KAT6A: variants seen among roughly 807,000 people sequenced by gnomAD.
The protein encoded by KAT6A is lysine acetyltransferase 6A, also known as histone acetyltransferase KAT6A.
A neutral mutation model predicts 198.4 loss-of-function variants in KAT6A; 9 were observed. That is an observed-to-expected ratio of 0.05 (90% confidence interval 0.03 to 0.08). The LOEUF (loss-of-function observed/expected upper bound fraction) is 0.08. Among genes scored for constraint, KAT6A ranks in the 10% least tolerant of loss-of-function variants. The pLI, the probability that KAT6A is intolerant of heterozygous loss-of-function variation, is 1.00. For synonymous variants in KAT6A, 890 were observed against 883.0 expected (o/e 1.01, Z -0.14); for missense variants, 2,077 against 2,509.9 (o/e 0.83, Z 3.69).
At position 41,940,823 on chromosome 8, in the gene KAT6A, C is replaced by G; in HGVS notation, c.3039+19G>C. On this transcript the variant is annotated intron_variant, in intron 15 of 16. Transcript: ENST00000265713. ...AACTGGAATTGGAGGAAGAGAAGAC[C>G]TGGAAAGAAATGCGTTACCTTTCGC... 1 of 1,591,192 alleles carries G rather than the reference C, an allele frequency of 6.3e-7. No homozygotes were observed. Among genetic ancestry groups the G allele is most frequent in the Non-Finnish European group, 8.5e-7 (1 of 1,170,994 alleles).
At chr8:42,028,625 T>C (rs574791246) in intron 2 of KAT6A, among the ~76,000 whole-genome samples, 2 of 152,360 alleles carry the variant, frequency 1.3e-5, no homozygotes, top group Admixed American at 6.5e-5. Flanking sequence ...TATGTCTTCA[T>C]AGGTGAAGTA....
intron 2 of KAT6A, among the ~76,000 whole-genome samples, chr8:42,031,060 G>A (rs1207148067): frequency 2.1e-5 from 3 of 140,490 alleles, no homozygotes; most frequent in Admixed American, 7.1e-5. Context: ...CAGGAGAAAT[G>A]TATACATAAA....
chr8:42,009,915 C>CAA (rs1216387598), intron 2 of KAT6A, among the ~76,000 whole-genome samples: 165 of 110,304 alleles, frequency 1.5e-3, no homozygotes, highest in Middle Eastern at 5.2e-3. Flanking sequence ...AAAAAAAAAA[C>CAA]AAAAAAAAAC....
At chr8:41,979,025 A>G (rs1824211410) in intron 5 of KAT6A, among the ~76,000 whole-genome samples, 1 of 152,180 alleles carries the variant, frequency 6.6e-6, no homozygotes. Context: ...CTTGAAGTCC[A>G]CTGAGGCTGA....
chr8:42,020,467 C>T (rs1422633838), intron 2 of KAT6A, among the ~76,000 whole-genome samples: 1 of 152,172 alleles, frequency 6.6e-6, no homozygotes, highest in Non-Finnish European at 1.5e-5. Flanking sequence ...TGGACTTTCC[C>T]ATCACCAGTT....
At chr8:41,984,722 T>C (rs1342469352) in intron 3 of KAT6A, among the ~76,000 whole-genome samples, 1 of 152,200 alleles carries the variant, frequency 6.6e-6, no homozygotes, top group Non-Finnish European at 1.5e-5. Flanking sequence ...TTCACGCCTG[T>C]AATCCCAACA....
chr8:42,017,618 T>G (rs1429271861), intron 2 of KAT6A, among the ~76,000 whole-genome samples: 4 of 152,058 alleles, frequency 2.6e-5, no homozygotes, highest in African/African-American at 9.7e-5. Flanking sequence ...GACAGTGTGG[T>G]GCCAACAAGG....
intron 2 of KAT6A, among the ~76,000 whole-genome samples, chr8:42,004,896 C>G (rs957558553): frequency 3.3e-5 from 5 of 151,934 alleles, no homozygotes; most frequent in African/African-American, 1.2e-4. Flanking sequence ...CCATTGCACT[C>G]CAGCCTGGGC....
intron 2 of KAT6A, among the ~76,000 whole-genome samples, chr8:42,026,653 A>G (rs1826829134): frequency 1.3e-5 from 2 of 152,148 alleles, no homozygotes; most frequent in African/African-American, 2.4e-5. Context: ...ATCAGTTCTA[A>G]AAGTTTTTTT....
At chr8:42,050,966 C>T (rs937452114) in intron 1 of KAT6A, among the ~76,000 whole-genome samples, 6 of 152,176 alleles carry the variant, frequency 3.9e-5, no homozygotes, top group African/African-American at 1.2e-4. Context: ...TTCCCCACCC[C>T]TAAACACGTC....
chr8:42,048,350 T>C (rs1478899257), intron 2 of KAT6A, 28 bp downstream of exon 2: 2 of 1,605,132 alleles, frequency 1.2e-6, no homozygotes, highest in African/African-American at 1.3e-5. Flanking sequence ...ATCAGCTCTA[T>C]AAACCCCGAA....
intron 2 of KAT6A, among the ~76,000 whole-genome samples, chr8:42,018,807 G>C (rs1317505389): frequency 6.6e-6 from 1 of 152,072 alleles, no homozygotes; most frequent in African/African-American, 2.4e-5. Context: ...TATAATCCCA[G>C]CTACTCGGGA....
chr8:41,940,213 G>T (rs1018620849), intron 15 of KAT6A, among the ~76,000 whole-genome samples: 3 of 152,162 alleles, frequency 2.0e-5, no homozygotes, highest in Non-Finnish European at 4.4e-5. Context: ...CGGCTTAACA[G>T]AATTCATTAT....
rs1347371561 is a variant in KAT6A, at chr8:41,931,464, TA to T, written c.*740del. ...CTCTGAGTGCTGAGTGGGAATATTT[TA>T]AAAAAGAAGAAAAAAATTATATTAC... On this transcript the variant is annotated 3_prime_UTR_variant, in exon 17 of 17. Coordinates refer to ENST00000265713, the MANE Select transcript of KAT6A (RefSeq NM_006766.5). The T allele has an allele frequency of 1.5e-5, 3 of 206,544 alleles. No homozygotes were observed. Among genetic ancestry groups the T allele is most frequent in the African/African-American group, 6.9e-5 (3 of 43,762 alleles). 12.8% of individuals were successfully genotyped at this position (206,544 alleles called of 1,614,324 possible). A position where few individuals can be genotyped will look rare whatever the true frequency, so the allele number is the denominator to read the frequency against.
chr8:41,945,203 A>G (rs1242002868), intron 12 of KAT6A, among the ~76,000 whole-genome samples: 1 of 152,194 alleles, frequency 6.6e-6, no homozygotes, highest in East Asian at 1.9e-4. Context: ...ACCACTAGGT[A>G]GAGCCTAACT....
At chr8:41,968,234 G>T (rs539113743) in intron 8 of KAT6A, among the ~76,000 whole-genome samples, 2 of 152,240 alleles carry the variant, frequency 1.3e-5, no homozygotes, top group East Asian at 3.9e-4. Flanking sequence ...TTCTGACAAA[G>T]GGCTAATATA....
At chr8:41,961,710 G>A (rs1448830069) in intron 8 of KAT6A, among the ~76,000 whole-genome samples, 1 of 141,348 alleles carries the variant, frequency 7.1e-6, no homozygotes, top group Non-Finnish European at 1.5e-5. Context: ...CCGAGATGGT[G>A]CCACTGCACT....
chr8:41,938,703 T>C (rs1258653274), intron 15 of KAT6A, among the ~76,000 whole-genome samples: 3 of 152,072 alleles, frequency 2.0e-5, no homozygotes, highest in Admixed American at 6.5e-5. Flanking sequence ...TCCCAGCACC[T>C]TGGAGGCCAA....
Position 41,934,748 on chromosome 8 carries a change from G to A in KAT6A, c.3472C>T (p.Arg1158Cys), listed in dbSNP as rs992068169. ...KKKGWPKGKS[R>C]KPIHWKKRPG... ...CTTTTCTTCCAGTGGATTGGTTTGC[G>A]GCTCTTGCCTTTGGGCCATCCCTTT... Residue 1158 changes from arginine to cysteine, a missense_variant, in exon 17 of 17, where the codon CGC becomes TGC. Arg to Cys is a radical substitution (Grantham distance 180, BLOSUM62 -3). Around this residue, in one of 13 missense-constraint regions of KAT6A, gnomAD observed 375 missense variants for 383.0 expected, o/e 0.98. Coordinates refer to ENST00000265713, the MANE Select transcript of KAT6A (RefSeq NM_006766.5). 10 of 1,613,916 alleles carry A rather than the reference G, an allele frequency of 6.2e-6. No individual in the cohort carries two copies. The highest frequency in any genetic ancestry group is 2.2e-5 in the East Asian group (1 of 44,886).
Sources: allele counts gnomAD v4.1 joint callset (sites outside exome capture counted in the v4.1 genomes callset), GRCh38; gene constraint gnomAD v4.1.1; regional missense constraint gnomAD v4.1.1; transcripts MANE v1.5; gene names NCBI Gene and HGNC (gene_info 2026-07-23, HGNC 2026-07-21).